SLC25A28: variants seen among roughly 807,000 people sequenced by gnomAD.
SLC25A28 encodes the protein mitoferrin-2.
A neutral mutation model predicts 31.9 loss-of-function variants in SLC25A28; 10 were observed. The observed-to-expected ratio is 0.31, with a 90% confidence interval of 0.19 to 0.53. The LOEUF is 0.53. SLC25A28 is among the 20% of genes least tolerant of loss of function. The pLI is 0.95. For synonymous variants in SLC25A28, 208 were observed against 203.6 expected, an observed-to-expected ratio of 1.02 and a Z score of -0.19; for missense variants, 256 against 490.3, an observed-to-expected ratio of 0.52 and a Z score of 4.51.
chr10:99,630,173 G>T, the SLC25A28 span, among the ~76,000 whole-genome samples: 2 of 152,026 alleles, frequency 1.3e-5, no homozygotes, highest in Non-Finnish European at 2.9e-5. Context: ...CTATACCCCT[G>T]GCTGGAGTGC....
chr10:99,648,038 C>T, the SLC25A28 span, among the ~76,000 whole-genome samples: 7 of 151,312 alleles, frequency 4.6e-5, no homozygotes, highest in Admixed American at 6.6e-5. Context: ...CTCACTTTGT[C>T]ACCAGGCTGG....
upstream of SLC25A28, among the ~76,000 whole-genome samples, chr10:99,622,494 A>G (rs1340031049): frequency 6.6e-6 from 1 of 152,202 alleles, no homozygotes; most frequent in Non-Finnish European, 1.5e-5. Flanking sequence ...TGACCTATCC[A>G]CCTCTATGTC....
chr10:99,621,480 G>A (rs1191876668), upstream of SLC25A28: 1 of 152,366 alleles, frequency 6.6e-6, no homozygotes, highest in African/African-American at 2.4e-5. Context: ...CGCACGGCCT[G>A]GCCGAGTCTG....
upstream of SLC25A28, among the ~76,000 whole-genome samples, chr10:99,624,388 G>A (rs939718595): frequency 1.3e-5 from 2 of 151,878 alleles, no homozygotes; most frequent in Non-Finnish European, 2.9e-5. Flanking sequence ...GAGCCACCAC[G>A]CCTACCTAGA....
intron 1 of SLC25A28, chr10:99,615,819 G>A: frequency 1.0e-6 from 1 of 985,390 alleles, no homozygotes; most frequent in Non-Finnish European, 1.2e-6. Context: ...AACTGATCTT[G>A]TATAAGGGGA....
chr10:99,616,984 T>C, intron 1 of SLC25A28: 1 of 985,264 alleles, frequency 1.0e-6, no homozygotes. Flanking sequence ...AATGTTTCCA[T>C]TTCCTAATCT....
chr10:99,633,847 C>T, the SLC25A28 span, among the ~76,000 whole-genome samples: 2 of 152,042 alleles, frequency 1.3e-5, no homozygotes, highest in African/African-American at 4.8e-5. Context: ...GCAAACCAGC[C>T]CAAAAATAAA....
chr10:99,624,276 G>A (rs1019455745), upstream of SLC25A28, among the ~76,000 whole-genome samples: 3 of 120,538 alleles, frequency 2.5e-5, no homozygotes, highest in Non-Finnish European at 5.2e-5. Flanking sequence ...TCTTTCTTTT[G>A]TAGAGACAGG....
At chr10:99,624,030 TTCCCTCTCTCCCTCCCTCC>T, upstream of SLC25A28, among the ~76,000 whole-genome samples, 1 of 152,168 alleles carries the variant, frequency 6.6e-6, no homozygotes, top group South Asian at 2.1e-4. Context: ...AGATTCTTCC[TTCCCTCTCTCCCTCCCTCC>T]TCCCTCCCTT....
chr10:99,642,588 A>G, the SLC25A28 span, among the ~76,000 whole-genome samples: 1 of 152,108 alleles, frequency 6.6e-6, no homozygotes, highest in East Asian at 1.9e-4. Context: ...CCTGGCCAGA[A>G]CTTCCAACAC....
At chr10:99,618,451 G>C in intron 1 of SLC25A28, 1 of 985,378 alleles carries the variant, frequency 1.0e-6, no homozygotes, top group Non-Finnish European at 1.2e-6. Flanking sequence ...AGTCTAGGGA[G>C]GTTACTCTGC....
chr10:99,624,784 A>G (rs991218582), upstream of SLC25A28, among the ~76,000 whole-genome samples: 1 of 152,166 alleles, frequency 6.6e-6, no homozygotes, highest in Admixed American at 6.5e-5. Flanking sequence ...GCAGTGAGCC[A>G]AGATTGGGCC....
chr10:99,619,529 CAT>C (rs2034735060), intron 1 of SLC25A28: 2 of 626,634 alleles, frequency 3.2e-6, no homozygotes, highest in Non-Finnish European at 4.0e-6. Flanking sequence ...TCCAATCACT[CAT>C]GTGTTAAGAT....
At chr10:99,639,885 T>C in the SLC25A28 span, among the ~76,000 whole-genome samples, 1 of 152,284 alleles carries the variant, frequency 6.6e-6, no homozygotes, top group South Asian at 2.1e-4. Context: ...CTTCATGACT[T>C]ACTTATCAGG....
chr10:99,619,497 G>A (rs2034734294), intron 1 of SLC25A28: 6 of 795,818 alleles, frequency 7.5e-6, no homozygotes, highest in Non-Finnish European at 9.1e-6. Flanking sequence ...CTGGAATTCT[G>A]CATTCTCACT....
chr10:99,619,715 A>G (rs2034738519), intron 1 of SLC25A28, among the ~76,000 whole-genome samples: 1 of 152,238 alleles, frequency 6.6e-6, no homozygotes, highest in Admixed American at 6.5e-5. Context: ...TAATCGAGTT[A>G]GTAGCACTTA....
At chr10:99,626,844 TCA>T in the SLC25A28 span, among the ~76,000 whole-genome samples, 1 of 152,096 alleles carries the variant, frequency 6.6e-6, no homozygotes, top group Non-Finnish European at 1.5e-5. Flanking sequence ...AGGGCAGTTT[TCA>T]GTCCCACCGT....
the SLC25A28 span, among the ~76,000 whole-genome samples, chr10:99,653,650 C>T: frequency 2.6e-5 from 4 of 152,208 alleles, no homozygotes; most frequent in African/African-American, 4.8e-5. Context: ...TTGATCCTTC[C>T]GCTTTTTTCA....
chr10:99,653,787 T>G, the SLC25A28 span: 1 of 152,226 alleles, frequency 6.6e-6, no homozygotes, highest in South Asian at 2.1e-4. Context: ...CCATCTAGAT[T>G]AAGCCCAAGG....
Sources: gnomAD v4.1 joint callset for allele counts (sites outside exome capture counted in the v4.1 genomes callset) on GRCh38, gnomAD v4.1.1 for gene constraint, MANE v1.5 for transcripts, NCBI Gene and HGNC (gene_info 2026-07-23, HGNC 2026-07-21) for gene names.